RAPGEF4: variants seen among roughly 807,000 people sequenced by gnomAD.
RAPGEF4 encodes the protein Rap guanine nucleotide exchange factor 4.
RAPGEF4 carries 66 observed loss-of-function variants against 147.9 expected under a neutral mutation model. The observed-to-expected ratio is 0.45, with a 90% confidence interval of 0.37 to 0.55. The LOEUF is 0.55. Among genes scored for constraint, RAPGEF4 ranks in the 20% least tolerant of loss-of-function variants. The probability of loss-of-function intolerance (pLI) is 0.00; values close to 1 mark genes in which losing one functional copy is unlikely to be tolerated. For missense variants in RAPGEF4, 1,071 were observed against 1,257.3 expected, an observed-to-expected ratio of 0.85 and a Z score of 2.24; for synonymous variants, 419 against 442.7, an observed-to-expected ratio of 0.95 and a Z score of 0.67.
At chr2:172,837,539 ATGCAGT>A (rs1430080316) in intron 4 of RAPGEF4, among the ~76,000 whole-genome samples, 1 of 152,212 alleles carries the variant, frequency 6.6e-6, no homozygotes, top group African/African-American at 2.4e-5. Context: ...AAACAAATAA[ATGCAGT>A]TTCAACCTTC....
chr2:172,877,626 T>G (rs1162164364), intron 4 of RAPGEF4, among the ~76,000 whole-genome samples: 1 of 152,140 alleles, frequency 6.6e-6, no homozygotes, highest in Non-Finnish European at 1.5e-5. Context: ...TTTCTCACTT[T>G]GCTGGGCTGC....
intron 1 of RAPGEF4, among the ~76,000 whole-genome samples, chr2:172,748,421 C>T (rs1694963978): frequency 6.6e-6 from 1 of 152,148 alleles, no homozygotes; most frequent in East Asian, 1.9e-4. Flanking sequence ...GCATGTCTTA[C>T]ATTAGTGGCA....
intron 8 of RAPGEF4, among the ~76,000 whole-genome samples, chr2:172,964,008 G>A (rs1689570931): frequency 1.3e-5 from 2 of 152,144 alleles, no homozygotes; most frequent in Non-Finnish European, 2.9e-5. Context: ...GACGCTCTGG[G>A]ATCATCTCGA....
chr2:172,923,105 T>A (rs891146696), intron 6 of RAPGEF4, among the ~76,000 whole-genome samples: 2 of 152,232 alleles, frequency 1.3e-5, no homozygotes, highest in Admixed American at 1.3e-4. Context: ...TGTGGGAAGA[T>A]ATACTCTCTG....
Position 172,735,871 on chromosome 2 carries a change from C to G in RAPGEF4, c.-113C>G, listed in dbSNP as rs930942196. The G allele has an allele frequency of 1.4e-5, 13 of 932,444 alleles. No individual in the cohort carries two copies. The highest frequency in any genetic ancestry group is 1.7e-5 in the Non-Finnish European group (12 of 720,782). The allele number at this position is 932,444 out of a possible 1,614,324, so 57.8% of individuals were successfully genotyped here. ...GGCCTGTCGCAGCCGCGCTGGTCGC[C>G]AGGCGTCCGGGAGGAGCGGGGTCCG... On this transcript the variant is annotated 5_prime_UTR_variant, in exon 1 of 31. Coordinates refer to ENST00000397081, the MANE Select transcript of RAPGEF4 (RefSeq NM_007023.4).
At chr2:173,040,165 A>C (rs1247257503) in intron 29 of RAPGEF4, among the ~76,000 whole-genome samples, 1 of 151,224 alleles carries the variant, frequency 6.6e-6, no homozygotes, top group Non-Finnish European at 1.5e-5. Flanking sequence ...TCCAGCCTGG[A>C]TGACAAGAGC....
chr2:172,975,131 T>C lies in RAPGEF4; in HGVS notation c.1004+7687T>C, dbSNP rs369249585. 1.3e-3 allele frequency among the ~76,000 whole-genome samples: 205 copies of C among 152,350 alleles called. 1 individual carries two copies. The highest frequency in any genetic ancestry group is 2.5e-3 in the Non-Finnish European group (169 of 68,040). On this transcript the variant is annotated intron_variant, in intron 10 of 30. Coordinates refer to ENST00000397081, the MANE Select transcript of RAPGEF4 (RefSeq NM_007023.4). ...ATAAGTATATTTCATGCAATATTTT[T>C]ATTTGCCAAATCCGGCACCCAACTT...
intron 1 of RAPGEF4, among the ~76,000 whole-genome samples, chr2:172,747,671 C>T (rs1341443007): frequency 1.3e-5 from 2 of 152,100 alleles, no homozygotes; most frequent in African/African-American, 2.4e-5. Context: ...TGCTGTGTTG[C>T]CCAGGCTGCT....
intron 1 of RAPGEF4, among the ~76,000 whole-genome samples, chr2:172,741,174 C>T (rs1694260625): frequency 6.6e-6 from 1 of 152,242 alleles, no homozygotes; most frequent in Admixed American, 6.5e-5. Flanking sequence ...CCAGTCAGAT[C>T]ACCATTACCT....
At chr2:172,852,927 A>AT (rs1431683682) in intron 4 of RAPGEF4, among the ~76,000 whole-genome samples, 2 of 151,998 alleles carry the variant, frequency 1.3e-5, no homozygotes, top group African/African-American at 2.4e-5. Context: ...ACATGGGTTG[A>AT]TTTTTTAATG....
chr2:172,804,906 G>A (rs1274560985), intron 3 of RAPGEF4, among the ~76,000 whole-genome samples: 2 of 152,188 alleles, frequency 1.3e-5, no homozygotes, highest in African/African-American at 4.8e-5. Context: ...TCGGGCTGCA[G>A]GACTGGAATG....
chr2:172,779,225 A>T (rs1684457335), intron 1 of RAPGEF4, among the ~76,000 whole-genome samples: 1 of 152,246 alleles, frequency 6.6e-6, no homozygotes, highest in Non-Finnish European at 1.5e-5. Flanking sequence ...AAATAAATCA[A>T]TCAATAAATT....
At chr2:172,950,378 T>G (rs1688096212) in intron 6 of RAPGEF4, among the ~76,000 whole-genome samples, 1 of 152,206 alleles carries the variant, frequency 6.6e-6, no homozygotes, top group African/African-American at 2.4e-5. Flanking sequence ...TAAGGATTGA[T>G]CCATTCAGCA....
At chr2:172,791,479 A>T (rs1431745592) in intron 1 of RAPGEF4, among the ~76,000 whole-genome samples, 2 of 152,206 alleles carry the variant, frequency 1.3e-5, no homozygotes, top group East Asian at 3.9e-4. Context: ...AGAGATTCAC[A>T]AAAGGATTAT....
chr2:172,972,213 T>C (rs1372803196), intron 10 of RAPGEF4, among the ~76,000 whole-genome samples: 1 of 152,188 alleles, frequency 6.6e-6, no homozygotes, highest in African/African-American at 2.4e-5. Flanking sequence ...AGAGGGCGCG[T>C]GAGAGCCTGT....
rs756571800 is a variant in RAPGEF4 at position 172,996,656 on chromosome 2, A to T, written c.1579+102A>T. On this transcript the variant is annotated intron_variant, in intron 16 of 30. Coordinates refer to ENST00000397081, the MANE Select transcript of RAPGEF4 (RefSeq NM_007023.4). ...TGTGTATAGCGAAAGCAGTTTGGGA[A>T]GGGGATTCTGTGTATTGATATTTGA... The T allele has an allele frequency of 3.2e-5, 25 of 793,350 alleles. 1 individual carries two copies. The highest frequency in any genetic ancestry group is 2.9e-4 in the South Asian group (17 of 58,392). 49.1% of individuals were successfully genotyped at this position (793,350 alleles called of 1,614,324 possible). A position where few individuals can be genotyped will look rare whatever the true frequency, so the allele number is the denominator to read the frequency against.
intron 6 of RAPGEF4, among the ~76,000 whole-genome samples, chr2:172,947,281 A>T (rs963995041): frequency 2.6e-5 from 4 of 152,220 alleles, no homozygotes; most frequent in African/African-American, 7.2e-5. Flanking sequence ...AATAGCTGTA[A>T]AACATTTAAT....
At chr2:172,998,564 A>G (rs1041561496) in intron 16 of RAPGEF4, among the ~76,000 whole-genome samples, 2 of 152,186 alleles carry the variant, frequency 1.3e-5, no homozygotes, top group Non-Finnish European at 2.9e-5. Context: ...CACAACAACA[A>G]CAAAAAGGTA....
chr2:172,973,584 A>G (rs1690745315), intron 10 of RAPGEF4, among the ~76,000 whole-genome samples: 1 of 152,190 alleles, frequency 6.6e-6, no homozygotes. Flanking sequence ...CAGGAGCACT[A>G]GGAGATGCAG....
Sources: gnomAD v4.1 joint callset for allele counts (sites outside exome capture counted in the v4.1 genomes callset) on GRCh38, gnomAD v4.1.1 for gene constraint, MANE v1.5 for transcripts, NCBI Gene and HGNC (gene_info 2026-07-23, HGNC 2026-07-21) for gene names.